ITGA9: variants seen among roughly 807,000 people sequenced by gnomAD.
ITGA9 encodes integrin alpha-9.
A neutral mutation model predicts 127.8 loss-of-function variants in ITGA9; 56 were observed. The observed-to-expected ratio is 0.44, with a 90% CI of 0.35 to 0.55. The LOEUF (loss-of-function observed/expected upper bound fraction) is 0.55. Among genes scored for constraint, ITGA9 ranks in the 20% least tolerant of loss-of-function variants. The pLI, the probability that ITGA9 is intolerant of heterozygous loss-of-function variation, is 0.00. For missense variants in ITGA9, 1,196 were observed against 1,347.1 expected, an observed-to-expected ratio of 0.89 and a Z score of 1.76; for synonymous variants, 508 against 514.5, an observed-to-expected ratio of 0.99 and a Z score of 0.17.
rs926069809 is a variant in ITGA9, at chr3:37,803,189, A to G, written c.2890-634A>G. On this transcript the variant is annotated intron_variant, in intron 26 of 27. Coordinates refer to ENST00000264741, the MANE Select transcript of ITGA9 (RefSeq NM_002207.3). ...GTTTCAAAGCTGAAACAAAAGGTAC[A>G]TTGTCGTTATCTGTTCTGAATCAAG... 3.3e-5 allele frequency among the ~76,000 whole-genome samples: 5 copies of G among 152,352 alleles called. No individual in the cohort carries two copies. In the South Asian group the frequency reaches 8.3e-4, roughly 25 times the overall value.
intron 23 of ITGA9, among the ~76,000 whole-genome samples, chr3:37,768,157 C>T (rs1056522239): frequency 1.1e-4 from 17 of 152,068 alleles, no homozygotes; most frequent in Non-Finnish European, 2.2e-4. Context: ...AAGAAATACT[C>T]AATAGTAAAT....
chr3:37,592,782 A>G (rs1403032178), intron 15 of ITGA9, among the ~76,000 whole-genome samples: 1 of 152,156 alleles, frequency 6.6e-6, no homozygotes, highest in Non-Finnish European at 1.5e-5. Flanking sequence ...AGGAAGATGG[A>G]CGATGCTGAG....
chr3:37,746,086 T>C (rs1300192570), intron 22 of ITGA9: 1 of 152,240 alleles, frequency 6.6e-6, no homozygotes, highest in Non-Finnish European at 1.5e-5. Flanking sequence ...GTGGTTGTCC[T>C]GCAGGAAGGT....
At chr3:37,453,790 C>A (rs1698228061) in intron 1 of ITGA9, among the ~76,000 whole-genome samples, 1 of 152,106 alleles carries the variant, frequency 6.6e-6, no homozygotes, top group South Asian at 2.1e-4. Context: ...TCAAGCATTC[C>A]TGGAAAAGGG....
chr3:37,733,585 C>T (rs1001185336), intron 19 of ITGA9, among the ~76,000 whole-genome samples: 70 of 145,352 alleles, frequency 4.8e-4, no homozygotes, highest in Non-Finnish European at 8.4e-4. Flanking sequence ...GTCATACACT[C>T]AGATCATTTT....
chr3:37,548,386 T>C (rs188337787), intron 15 of ITGA9, among the ~76,000 whole-genome samples: 1 of 152,298 alleles, frequency 6.6e-6, no homozygotes, highest in East Asian at 1.9e-4. Context: ...TTGTAGCGGT[T>C]GTATGGTTGC....
intron 22 of ITGA9, chr3:37,748,223 A>T: frequency 2.2e-6 from 1 of 462,236 alleles, no homozygotes; most frequent in Non-Finnish European, 4.1e-6. Flanking sequence ...AAGAAAGGTG[A>T]CATTATAGAC....
intron 26 of ITGA9, among the ~76,000 whole-genome samples, chr3:37,786,055 G>A (rs111408788): frequency 0.01 from 1,580 of 151,990 alleles, 28 homozygotes; most frequent in African/African-American, 0.035. Flanking sequence ...TGTATTTGAT[G>A]CCCACACTCA....
intron 16 of ITGA9, among the ~76,000 whole-genome samples, chr3:37,630,006 C>A (rs901774992): frequency 3.3e-5 from 5 of 152,192 alleles, no homozygotes; most frequent in African/African-American, 1.2e-4. Context: ...TGTTTCAAAT[C>A]TTTTCTTGAA....
At position 37,777,432 on chromosome 3, in the gene ITGA9, C is replaced by T. The variant is rs1181751894; in HGVS notation, c.2582C>T (p.Pro861Leu). The T allele has an allele frequency of 6.2e-7, 1 of 1,614,042 alleles. No individual in the cohort carries two copies. The highest frequency in any genetic ancestry group is 8.5e-7 in the Non-Finnish European group (1 of 1,179,946). Residue 861 changes from proline (P) to leucine (L), a missense_variant, in exon 24 of 28, where the codon CCA becomes CTA. Coordinates refer to ENST00000264741, the MANE Select transcript of ITGA9 (RefSeq NM_002207.3). Reference sequence around the variant, plus strand: ...GGAAACTGCTCTTTCCAGAAAAACCCAACTCCCTGCATCATCCCTCAAGAA... The same window carrying T: ...GGAAACTGCTCTTTCCAGAAAAACCTAACTCCCTGCATCATCCCTCAAGAA... Reference protein sequence around the residue: ...EKGNCSFQKNPTPCIIPQEQE... With the variant: ...EKGNCSFQKNLTPCIIPQEQE...
chr3:37,748,406 C>G, intron 22 of ITGA9: 1 of 596,736 alleles, frequency 1.7e-6, no homozygotes, highest in Non-Finnish European at 3.2e-6. Flanking sequence ...ATTAAGCACT[C>G]TAAGAGCCAA....
Position 37,750,483 on chromosome 3 carries a change from AC to A in ITGA9, c.2458del (p.Leu820PhefsTer80). 2 of 1,612,946 alleles carry A rather than the reference AC, an allele frequency of 1.2e-6. No individual in the cohort carries two copies. Among genetic ancestry groups the A allele is most frequent in the Non-Finnish European group, 1.7e-6 (2 of 1,179,122 alleles). On this transcript the variant is annotated frameshift_variant, in exon 23 of 28. Coordinates refer to ENST00000264741, the MANE Select transcript of ITGA9 (RefSeq NM_002207.3). LOFTEE classifies it high-confidence loss of function. ...TLQVYNTGPS[T>X]LPGSSVSISF... is the part of the protein sequence containing the mutation. ...ACAGGTCTACAACACTGGCCCAAGC[AC>A]CCTTCCAGGGTCATCTGTCAGCATC...
Position 37,763,125 on chromosome 3 carries a change from T to G in ITGA9, c.2541+12556T>G, listed in dbSNP as rs76400871. On this transcript the variant is annotated intron_variant, in intron 23 of 27. Transcript: ENST00000264741. The stretch of plus-strand genomic sequence containing the variant: ...AGAGGAAAACAGACAAAAAGTAATT[T>G]CCAGCCATCATGTAGCTTACATTCT... Among the ~76,000 whole-genome samples, 1,493 of 152,334 alleles carry G rather than the reference T, an allele frequency of 9.8e-3. 18 individuals carry two copies. Among genetic ancestry groups the G allele is most frequent in the African/African-American group, 0.033 (1,367 of 41,574 alleles).
chr3:37,732,999 G>T (rs774901037), intron 19 of ITGA9: 9 of 600,298 alleles, frequency 1.5e-5, no homozygotes, highest in Non-Finnish European at 2.7e-5. Flanking sequence ...GCATCATATG[G>T]TCTTTCTCTT....
chr3:37,712,901 C>T (rs1295910946), intron 18 of ITGA9, among the ~76,000 whole-genome samples: 1 of 152,140 alleles, frequency 6.6e-6, no homozygotes, highest in African/African-American at 2.4e-5. Context: ...ACATGTCTGC[C>T]ATGGTATTGT....
chr3:37,522,425 C>T (rs1223178253), intron 11 of ITGA9, among the ~76,000 whole-genome samples: 6 of 152,140 alleles, frequency 3.9e-5, no homozygotes, highest in Admixed American at 3.9e-4. Flanking sequence ...ATGTGATGAA[C>T]TTAATGATGA....
At chr3:37,678,391 T>C (rs1309208346) in intron 17 of ITGA9, among the ~76,000 whole-genome samples, 1 of 152,130 alleles carries the variant, frequency 6.6e-6, no homozygotes, top group Non-Finnish European at 1.5e-5. Context: ...GAAAAAATAG[T>C]TTTTAAAAAG....
intron 15 of ITGA9, among the ~76,000 whole-genome samples, chr3:37,562,505 A>C (rs1303847843): frequency 6.6e-6 from 1 of 152,204 alleles, no homozygotes; most frequent in Non-Finnish European, 1.5e-5. Context: ...AATAAGAAGA[A>C]ATTCAAACCC....
At chr3:37,779,344 A>AC (rs898278145) in intron 24 of ITGA9, among the ~76,000 whole-genome samples, 6 of 151,444 alleles carry the variant, frequency 4.0e-5, no homozygotes, top group African/African-American at 1.2e-4. Flanking sequence ...ATCTCAGGTG[A>AC]CCCCCCTACC....
Sources: gnomAD v4.1 joint callset for allele counts (sites outside exome capture counted in the v4.1 genomes callset) on GRCh38, gnomAD v4.1.1 for gene constraint, MANE v1.5 for transcripts, NCBI Gene and HGNC (gene_info 2026-07-23, HGNC 2026-07-21) for gene names.